Variants in WBP2NL observed in about 807,000 individuals in gnomAD.
WBP2NL encodes the protein WBP2 N-terminal like, also known as postacrosomal sheath WW domain-binding protein.
In WBP2NL, 27 loss-of-function variants were observed where a neutral mutation model predicts 23.3. The ratio of observed to expected loss-of-function variants is 1.16; its 90% confidence interval spans 0.85 to 1.60. The LOEUF is 1.60. WBP2NL is among the 40% of genes most tolerant of loss of function. The pLI is 0.00. For synonymous variants in WBP2NL, 151 were observed against 145.9 expected, an observed-to-expected ratio of 1.03 and a Z score of -0.25; for missense variants, 370 against 389.5, an observed-to-expected ratio of 0.95 and a Z score of 0.42.
chr22:42,047,028 C>A (rs939980101), intron 8 of WBP2NL, among the ~76,000 whole-genome samples: 15 of 152,184 alleles, frequency 9.9e-5, no homozygotes, highest in Admixed American at 2.0e-4. Flanking sequence ...ATAGAAAACA[C>A]CTGCTATTCA....
chr22:42,042,195 A>G (rs757507867), intron 8 of WBP2NL, among the ~76,000 whole-genome samples: 1 of 152,208 alleles, frequency 6.6e-6, no homozygotes. Context: ...CTGGACGTCT[A>G]TTTCTTTCCA....
At chr22:42,000,657 G>A (rs753708127) in intron 1 of WBP2NL, among the ~76,000 whole-genome samples, 11 of 152,050 alleles carry the variant, frequency 7.2e-5, no homozygotes, top group Non-Finnish European at 1.3e-4. Flanking sequence ...AGCCGGGCGC[G>A]GTGGCCCACG....
chr22:42,020,926 T>A (rs1923914607), intron 4 of WBP2NL, among the ~76,000 whole-genome samples: 2 of 94,090 alleles, frequency 2.1e-5, no homozygotes, highest in Non-Finnish European at 4.3e-5. Flanking sequence ...TTTTTTTTTT[T>A]TTTTTTTTTT....
At chr22:42,058,077 C>T (rs949176742) in intron 8 of WBP2NL, among the ~76,000 whole-genome samples, 10 of 149,754 alleles carry the variant, frequency 6.7e-5, no homozygotes, top group Admixed American at 4.7e-4. Context: ...CCACCATGCC[C>T]GGCTAATTTT....
At chr22:42,037,128 TTGTGTGTGTGTG>T (rs3045493), downstream of WBP2NL, among the ~76,000 whole-genome samples, 3,835 of 148,180 alleles carry the variant, frequency 0.026, 188 homozygotes, top group African/African-American at 0.09. Flanking sequence ...CAGATTTCAT[TTGTGTGTGTGTG>T]TGTGTGTGTG....
intron 5 of WBP2NL, among the ~76,000 whole-genome samples, chr22:42,023,490 C>T (rs1016730355): frequency 2.6e-5 from 4 of 151,870 alleles, no homozygotes; most frequent in Admixed American, 6.6e-5. Flanking sequence ...CCATCTCTGG[C>T]AGCCTTTTTT....
At chr22:42,038,300 T>C (rs1925267287) in intron 8 of WBP2NL, among the ~76,000 whole-genome samples, 2 of 152,248 alleles carry the variant, frequency 1.3e-5, no homozygotes, top group African/African-American at 4.8e-5. Flanking sequence ...ATATGTTAAC[T>C]GACCTTGTAT....
At chr22:42,040,304 C>T (rs1468196324) in intron 8 of WBP2NL, among the ~76,000 whole-genome samples, 1 of 151,676 alleles carries the variant, frequency 6.6e-6, no homozygotes, top group East Asian at 1.9e-4. Context: ...CTCACTGCAA[C>T]CTCCGCCTCC....
intron 1 of WBP2NL, among the ~76,000 whole-genome samples, chr22:42,016,798 G>A (rs377609073): frequency 6.6e-6 from 1 of 152,032 alleles, no homozygotes; most frequent in Non-Finnish European, 1.5e-5. Flanking sequence ...CTTGCATCAG[G>A]ACTATTTTAG....
At chr22:42,006,935 A>G (rs1922307915) in intron 1 of WBP2NL, among the ~76,000 whole-genome samples, 1 of 152,216 alleles carries the variant, frequency 6.6e-6, no homozygotes, top group African/African-American at 2.4e-5. Flanking sequence ...ATGCATTGTT[A>G]AAACGTGTGC....
At chr22:42,046,558 G>A (rs549386963) in intron 8 of WBP2NL, among the ~76,000 whole-genome samples, 93 of 152,202 alleles carry the variant, frequency 6.1e-4, no homozygotes, top group African/African-American at 1.8e-3. Flanking sequence ...ATCATTTTTA[G>A]AAATGTTCTA....
intron 8 of WBP2NL, among the ~76,000 whole-genome samples, chr22:42,052,835 A>G (rs1925884095): frequency 6.6e-6 from 1 of 152,166 alleles, no homozygotes; most frequent in Non-Finnish European, 1.5e-5. Context: ...ATCCTTGAAC[A>G]GCAGCTAATT....
intron 1 of WBP2NL, 54 bp from the exon 2 acceptor site, chr22:42,019,257 T>G: frequency 6.6e-7 from 1 of 1,517,876 alleles, no homozygotes; most frequent in East Asian, 2.3e-5. Context: ...ACTTTATGTG[T>G]GTCATTTTAC....
At chr22:42,020,161 G>A (rs886349073) in intron 4 of WBP2NL, 65 bp downstream of exon 4, 3 of 1,384,750 alleles carry the variant, frequency 2.2e-6, no homozygotes, top group Non-Finnish European at 2.0e-6. Context: ...TGGGTTTTTT[G>A]TTGTTGTTGT....
Position 42,001,818 on chromosome 22 carries a change from T to C in WBP2NL, c.62+2938T>C, listed in dbSNP as rs1921724182. Reference sequence around the variant, plus strand: ...CATGCAGTCTCTAATGCCCTTGTATTGCTTATCTGCAGTGATCTGCTTGCT... The same window carrying C: ...CATGCAGTCTCTAATGCCCTTGTATCGCTTATCTGCAGTGATCTGCTTGCT... On this transcript the variant is annotated intron_variant, in intron 1 of 5. Coordinates refer to ENST00000328823, the MANE Select transcript of WBP2NL (RefSeq NM_152613.3). The C allele has an allele frequency of 3.1e-6, 4 of 1,282,724 alleles. No homozygotes were observed. The African/African-American group carries it at 4.4e-5, about 14-fold the overall frequency. 79.5% of individuals were successfully genotyped at this position (1,282,724 alleles called of 1,614,324 possible). A position where few individuals can be genotyped will look rare whatever the true frequency, so the allele number is the denominator to read the frequency against.
intron 8 of WBP2NL, among the ~76,000 whole-genome samples, chr22:42,055,669 A>G (rs1359106308): frequency 1.3e-5 from 2 of 152,170 alleles, no homozygotes; most frequent in Non-Finnish European, 2.9e-5. Flanking sequence ...TTGTTGAATT[A>G]TCTATTTCTG....
At chr22:42,018,356 AGAAAG>A (rs1201125094) in intron 1 of WBP2NL, among the ~76,000 whole-genome samples, 2 of 149,720 alleles carry the variant, frequency 1.3e-5, no homozygotes, top group African/African-American at 4.9e-5. Context: ...GAGAGAGAAA[AGAAAG>A]GAAGGGAAGG....
intron 8 of WBP2NL, among the ~76,000 whole-genome samples, chr22:42,038,359 C>T (rs1300827618): frequency 6.6e-6 from 1 of 152,094 alleles, no homozygotes; most frequent in Admixed American, 6.5e-5. Context: ...TTTTAATGTG[C>T]TGTTGAATTT....
chr22:42,007,716 C>T (rs1218946205), intron 1 of WBP2NL, among the ~76,000 whole-genome samples: 3 of 152,218 alleles, frequency 2.0e-5, no homozygotes, highest in African/African-American at 7.2e-5. Context: ...GTCCATGTTA[C>T]AGCATGTGAC....
Sources: gnomAD v4.1 joint callset for allele counts (sites outside exome capture counted in the v4.1 genomes callset) on GRCh38, gnomAD v4.1.1 for gene constraint, MANE v1.5 for transcripts, NCBI Gene and HGNC (gene_info 2026-07-23, HGNC 2026-07-21) for gene names.